STARD5: variants seen among roughly 807,000 people sequenced by gnomAD.
STARD5 encodes the protein StAR related lipid transfer domain containing 5.
In STARD5, 26 loss-of-function variants were observed where a neutral mutation model predicts 24.6. The observed-to-expected ratio is 1.06, with a 90% CI of 0.77 to 1.47. STARD5 has a LOEUF of 1.47. Among genes scored for constraint, STARD5 ranks in the 40% most tolerant of loss-of-function variants. The pLI, the probability that STARD5 is intolerant of heterozygous loss-of-function variation, is 0.00. For missense variants in STARD5, 254 were observed against 270.8 expected, an observed-to-expected ratio of 0.94 and a Z score of 0.44; for synonymous variants, 101 against 99.7, an observed-to-expected ratio of 1.01 and a Z score of -0.07.
chr15:81,317,670 G>A (rs997195038), intron 5 of STARD5, among the ~76,000 whole-genome samples: 3 of 152,168 alleles, frequency 2.0e-5, no homozygotes, highest in Non-Finnish European at 2.9e-5. Context: ...TGTGGTAGAA[G>A]GACAGACCCC....
rs192626342 is a variant in STARD5, at chr15:81,313,302, C to T, written c.596G>A (p.Arg199Gln). 2.5e-5 allele frequency: 39 copies of T among 1,579,386 alleles called. No individual in the cohort carries two copies. Among genetic ancestry groups the T allele is most frequent in the South Asian group, 1.1e-4 (9 of 84,668 alleles). The change falls in exon 6 of 6, where the codon CGG becomes CAG. Residue 199 changes from arginine to glutamine, a missense_variant. By Grantham distance (43) the Arg-to-Gln change is conservative. Coordinates refer to ENST00000302824, the MANE Select transcript of STARD5 (RefSeq NM_181900.3). ...VDSFFPRSMTRFYANLQKAVK... is the reference protein window; with the variant it reads ...VDSFFPRSMTQFYANLQKAVK... ...TGCTTTCTGAAGGTTGGCATAAAAC[C>T]GGGTCATGCTGCGGGGGAAGAAGGA...
At chr15:81,323,974 C>A in intron 1 of STARD5, 27 bp downstream of exon 1, 1 of 1,566,650 alleles carries the variant, frequency 6.4e-7, no homozygotes, top group Admixed American at 1.8e-5. Context: ...GTCTCCGCGA[C>A]CCCTTCCCGC....
rs1304120781 is a variant in STARD5 at position 81,311,236 on chromosome 15, A to C, written c.*2020T>G. 6.6e-6 allele frequency: 1 copy of C among 152,264 alleles called. No individual in the cohort carries two copies. Among genetic ancestry groups the C allele is most frequent in the African/African-American group, 2.4e-5 (1 of 41,478 alleles). The allele number at this position is 152,264 out of a possible 1,614,324, so 9.4% of individuals were successfully genotyped here. A position where few individuals can be genotyped will look rare whatever the true frequency, so the allele number is the denominator to read the frequency against. On this transcript the variant is annotated 3_prime_UTR_variant, in exon 6 of 6. Coordinates refer to ENST00000302824, the MANE Select transcript of STARD5 (RefSeq NM_181900.3). ...AATTGTGAAGTCGTCTTAACTCACCATAAAAAGGAATCCACTCCCAGGCAG... is the reference window on the plus strand; with the variant it reads ...AATTGTGAAGTCGTCTTAACTCACCCTAAAAAGGAATCCACTCCCAGGCAG...
In STARD5 at chr15:81,311,851, TTG is replaced by T. The variant is rs1297541204; in HGVS notation, c.*1403_*1404del. The T allele has an allele frequency of 6.6e-6, 1 of 152,180 alleles. No individual in the cohort carries two copies. The highest frequency in any genetic ancestry group is 6.5e-5 in the Admixed American group (1 of 15,276). The allele number at this position is 152,180 out of a possible 1,614,324, so 9.4% of individuals were successfully genotyped here. ...AGGATCTTAGGCATGACTGTAGAAT[TTG>T]TAGTTGCAATAGAACAGAGAAAGAG... On this transcript the variant is annotated 3_prime_UTR_variant, in exon 6 of 6. Transcript: ENST00000302824.
intron 3 of STARD5, among the ~76,000 whole-genome samples, chr15:81,320,060 C>T (rs1901165670): frequency 6.6e-6 from 1 of 152,216 alleles, no homozygotes; most frequent in Non-Finnish European, 1.5e-5. Context: ...CAGTAGTCCA[C>T]ACTCTCATTT....
intron 5 of STARD5, among the ~76,000 whole-genome samples, chr15:81,316,497 C>G (rs1335502291): frequency 1.3e-5 from 2 of 152,190 alleles, no homozygotes; most frequent in Admixed American, 6.5e-5. Context: ...GGGTTAGTTA[C>G]TAAACCTCTC....
intron 5 of STARD5, among the ~76,000 whole-genome samples, chr15:81,316,668 A>C (rs568557994): frequency 6.6e-6 from 1 of 152,338 alleles, no homozygotes; most frequent in South Asian, 2.1e-4. Context: ...TTGTCTGCTG[A>C]ATCTAGGGTC....
chr15:81,313,337 G>T lies in STARD5; in HGVS notation c.561C>A (p.Asn187Lys). Residue 187 changes from asparagine to lysine, a missense_variant, in exon 6 of 6, where the codon AAC becomes AAA. Asn to Lys is a moderately conservative substitution (Grantham distance 94, BLOSUM62 0). Coordinates refer to ENST00000302824, the MANE Select transcript of STARD5 (RefSeq NM_181900.3). ...HTDLSGYLPQ[N>K]VVDSFFPRSM... ...TGCGGGGGAAGAAGGAGTCCACCACGTTCTGTGGGAGGTAACCGCTGAGGT... is the reference window on the plus strand; with the variant it reads ...TGCGGGGGAAGAAGGAGTCCACCACTTTCTGTGGGAGGTAACCGCTGAGGT... 6.3e-7 allele frequency: 1 copy of T among 1,579,166 alleles called. No homozygotes were observed. Among genetic ancestry groups the T allele is most frequent in the Non-Finnish European group, 8.6e-7 (1 of 1,163,084 alleles).
Position 81,324,124 on chromosome 15 carries a change from C to G in STARD5, c.-25G>C. 7.5e-7 allele frequency: 1 copy of G among 1,324,640 alleles called. No individual in the cohort carries two copies. Among genetic ancestry groups the G allele is most frequent in the East Asian group, 2.9e-5 (1 of 34,140 alleles). 82.1% of individuals were successfully genotyped at this position (1,324,640 alleles called of 1,614,324 possible). A position where few individuals can be genotyped will look rare whatever the true frequency, so the allele number is the denominator to read the frequency against. On this transcript the variant is annotated 5_prime_UTR_variant, in exon 1 of 6. Transcript: ENST00000302824. The stretch of plus-strand genomic sequence containing the variant: ...TTGCGTCGGGAGCTGCGCTTAGCTG[C>G]GGGGTCGCGGGTGTTATGAGCGGCG...
At chr15:81,314,892 A>AG (rs1291135012) in intron 5 of STARD5, among the ~76,000 whole-genome samples, 2 of 101,820 alleles carry the variant, frequency 2.0e-5, no homozygotes, top group East Asian at 3.4e-4. Flanking sequence ...ACCTCAAAAA[A>AG]GAAAAAAAAA....
rs1325514407 is a variant in STARD5 at position 81,310,862 on chromosome 15, A to G, written c.*2394T>C. The G allele has an allele frequency of 6.6e-6, 1 of 152,238 alleles. No homozygotes were observed. Among genetic ancestry groups the G allele is most frequent in the Non-Finnish European group, 1.5e-5 (1 of 68,106 alleles). The allele number at this position is 152,238 out of a possible 1,614,324, so 9.4% of individuals were successfully genotyped here. The stretch of plus-strand genomic sequence containing the variant: ...AGACCAGGCAAAGCAAGTGATTGGG[A>G]CAGAGGTTATCTGTCCCAGGTTATC... On this transcript the variant is annotated 3_prime_UTR_variant, in exon 6 of 6. Coordinates refer to ENST00000302824, the MANE Select transcript of STARD5 (RefSeq NM_181900.3).
Position 81,312,798 on chromosome 15 carries a change from T to C in STARD5, c.*458A>G, listed in dbSNP as rs1211589043. 2.0e-5 allele frequency: 3 copies of C among 152,848 alleles called. No individual in the cohort carries two copies. The highest frequency in any genetic ancestry group is 7.2e-5 in the African/African-American group (3 of 41,594). 9.5% of individuals were successfully genotyped at this position (152,848 alleles called of 1,614,324 possible). On this transcript the variant is annotated 3_prime_UTR_variant, in exon 6 of 6. Coordinates refer to ENST00000302824, the MANE Select transcript of STARD5 (RefSeq NM_181900.3). ...TATCAGAAAAATATATTTGGGGGGC[T>C]GCAGCACAGGACTGAGGGAGCGGTA...
chr15:81,323,546 A>C (rs2141679643), intron 1 of STARD5: 1 of 1,009,568 alleles, frequency 9.9e-7, no homozygotes, highest in Non-Finnish European at 1.5e-6. Flanking sequence ...AGAGGGGTTC[A>C]TGCTGTAATG....
intron 5 of STARD5, among the ~76,000 whole-genome samples, chr15:81,314,908 A>AAAAAC (rs546533284): frequency 0.09 from 13,119 of 146,076 alleles, 670 homozygotes; most frequent in Middle Eastern, 0.17. Context: ...AAAAAAAAAA[A>AAAAAC]AAAAAAAGAA....
rs2141668596 is a variant in STARD5, at chr15:81,313,399, G to A, written c.499C>T (p.Pro167Ser). The A allele has an allele frequency of 6.5e-7, 1 of 1,543,080 alleles. No individual in the cohort carries two copies. The highest frequency in any genetic ancestry group is 1.2e-5 in the South Asian group (1 of 80,224). Residue 167 changes from proline (P) to serine (S), a missense_variant, in exon 6 of 6, where the codon CCC (proline) becomes TCC (serine). Physicochemically the swap from Pro to Ser is moderately conservative, Grantham distance 74 (BLOSUM62 -1). Coordinates refer to ENST00000302824, the MANE Select transcript of STARD5 (RefSeq NM_181900.3). ...AATGTGACCAGGTTGGTCTTGGTGGGTTCCCTGTGAAGGCAACAGCAGAGC... is the reference window on the plus strand; with the variant it reads ...AATGTGACCAGGTTGGTCTTGGTGGATTCCCTGTGAAGGCAACAGCAGAGC... ...GCFCEPLPGE[P>S]TKTNLVTFFH...
rs2141667068 is a variant in STARD5, at chr15:81,313,015, G to A, written c.*241C>T. 3.1e-6 allele frequency: 1 copy of A among 321,070 alleles called. No homozygotes were observed. Among genetic ancestry groups the A allele is most frequent in the East Asian group, 5.8e-5 (1 of 17,112 alleles). The allele number at this position is 321,070 out of a possible 1,614,324, so 19.9% of individuals were successfully genotyped here. ...TACCCTGCCAGGAGAGGCGTGTTTG[G>A]GTAACAGGCAGATGGAGTTTGGAAC... On this transcript the variant is annotated 3_prime_UTR_variant, in exon 6 of 6. Coordinates refer to ENST00000302824, the MANE Select transcript of STARD5 (RefSeq NM_181900.3).
At chr15:81,313,609 ACAGCCT>A in intron 5 of STARD5, 3 of 390,902 alleles carry the variant, frequency 7.7e-6, no homozygotes, top group Non-Finnish European at 1.3e-5. Context: ...GATGCATTCC[ACAGCCT>A]CTCCCGGCCT....
At chr15:81,318,192 C>A (rs1256398537) in intron 5 of STARD5, among the ~76,000 whole-genome samples, 1 of 152,196 alleles carries the variant, frequency 6.6e-6, no homozygotes, top group East Asian at 1.9e-4. Context: ...ATAAGAGTAA[C>A]GCCTCCCCTC....
chr15:81,319,260 T>C, intron 4 of STARD5, 79 bp downstream of exon 4: 1 of 1,287,834 alleles, frequency 7.8e-7, no homozygotes, highest in Admixed American at 1.7e-5. Context: ...TGCTTGGCTT[T>C]CCTTAAGGAA....
Sources: gnomAD v4.1 joint callset for allele counts (sites outside exome capture counted in the v4.1 genomes callset) on GRCh38, gnomAD v4.1.1 for gene constraint, MANE v1.5 for transcripts, NCBI Gene and HGNC (gene_info 2026-07-23, HGNC 2026-07-21) for gene names.